Variants in AMPH observed in about 807,000 individuals in gnomAD.
The protein encoded by AMPH is amphiphysin (Stiff-Mann syndrome with breast cancer 128kD autoantigen).
A neutral mutation model predicts 99.1 loss-of-function variants in AMPH; 49 were observed. The ratio of observed to expected loss-of-function variants is 0.49; its 90% CI spans 0.39 to 0.63. The LOEUF (loss-of-function observed/expected upper bound fraction) is 0.63, where lower values mean the gene tolerates loss of function less well. AMPH is among the 20% of genes least tolerant of loss of function. The pLI is 0.00. For missense variants in AMPH, 759 were observed against 863.4 expected (o/e 0.88, Z 1.52); for synonymous variants, 314 against 317.3 (o/e 0.99, Z 0.11).
intron 1 of AMPH, among the ~76,000 whole-genome samples, chr7:38,610,514 C>A (rs1793646610): frequency 6.6e-6 from 1 of 151,258 alleles, no homozygotes; most frequent in Non-Finnish European, 1.5e-5. Context: ...GTATAAAACA[C>A]TAGTCTTGGA....
chr7:38,437,625 C>CAAAAAA (rs70977404), intron 11 of AMPH, among the ~76,000 whole-genome samples: 8 of 94,860 alleles, frequency 8.4e-5, no homozygotes, highest in African/African-American at 1.7e-4. Flanking sequence ...ACTAAAAATA[C>CAAAAAA]AAAAAAAAAA....
intron 1 of AMPH, among the ~76,000 whole-genome samples, chr7:38,559,176 C>T (rs1791472209): frequency 6.6e-6 from 1 of 152,206 alleles, no homozygotes; most frequent in African/African-American, 2.4e-5. Context: ...TGTAACACGG[C>T]CTGTGGGCAA....
At chr7:38,392,094 A>G in intron 18 of AMPH, 77 bp from the exon 19 acceptor site, 1 of 1,479,180 alleles carries the variant, frequency 6.8e-7, no homozygotes. Flanking sequence ...AACCTGCCTT[A>G]GCCCCCAGCC....
chr7:38,469,646 C>G (rs1469852865), intron 7 of AMPH, among the ~76,000 whole-genome samples: 2 of 152,170 alleles, frequency 1.3e-5, no homozygotes, highest in Non-Finnish European at 2.9e-5. Context: ...TAAACCTCTT[C>G]AAAGCTTAAT....
At chr7:38,551,091 T>C (rs1791164873) in intron 1 of AMPH, among the ~76,000 whole-genome samples, 1 of 152,118 alleles carries the variant, frequency 6.6e-6, no homozygotes, top group South Asian at 2.1e-4. Flanking sequence ...AAACAACAAC[T>C]GAAACCAGAT....
chr7:38,571,588 A>T (rs34721981), intron 1 of AMPH, among the ~76,000 whole-genome samples: 2 of 145,476 alleles, frequency 1.4e-5, no homozygotes, highest in Non-Finnish European at 3.0e-5. Context: ...AACTAGAAAA[A>T]AGCTTATAGA....
At chr7:38,601,642 A>G (rs919865689) in intron 1 of AMPH, among the ~76,000 whole-genome samples, 12 of 152,192 alleles carry the variant, frequency 7.9e-5, no homozygotes, top group Non-Finnish European at 1.6e-4. Flanking sequence ...AAGTATTAAC[A>G]TAGTCGTATT....
chr7:38,520,374 T>C (rs188052934), intron 2 of AMPH, among the ~76,000 whole-genome samples: 4 of 152,292 alleles, frequency 2.6e-5, no homozygotes, highest in African/African-American at 7.2e-5. Context: ...ATAGAGTTTT[T>C]AAAAAGAGGG....
chr7:38,574,027 G>A (rs1792142535), intron 1 of AMPH, among the ~76,000 whole-genome samples: 1 of 152,126 alleles, frequency 6.6e-6, no homozygotes, highest in African/African-American at 2.4e-5. Context: ...AGATTTCAGT[G>A]CTCAAACACA....
intron 15 of AMPH, among the ~76,000 whole-genome samples, chr7:38,424,644 G>GA (rs138920683): frequency 0.014 from 2,120 of 147,338 alleles, 37 homozygotes; most frequent in African/African-American, 0.05. Context: ...GAGAACAAAG[G>GA]AAAAAAAAAG....
chr7:38,500,640 C>T (rs1789100664), intron 3 of AMPH, among the ~76,000 whole-genome samples: 1 of 152,194 alleles, frequency 6.6e-6, no homozygotes, highest in Non-Finnish European at 1.5e-5. Context: ...ATTCAACAAA[C>T]TTATCCACAT....
At chr7:38,462,945 T>C (rs1787507154) in intron 10 of AMPH, 30 bp downstream of exon 10, 1 of 1,524,314 alleles carries the variant, frequency 6.6e-7, no homozygotes. Context: ...TCATGAGCTC[T>C]ATCCCCCAAT....
intron 1 of AMPH, among the ~76,000 whole-genome samples, chr7:38,614,090 G>T (rs1793781551): frequency 6.6e-6 from 1 of 152,174 alleles, no homozygotes; most frequent in South Asian, 2.1e-4. Context: ...TCAAGACCTA[G>T]AAGTTTTCTA....
chr7:38,505,045 A>G (rs574349154), intron 2 of AMPH, among the ~76,000 whole-genome samples: 2 of 152,278 alleles, frequency 1.3e-5, no homozygotes, highest in East Asian at 3.9e-4. Flanking sequence ...CCTCATTATA[A>G]TCTAGTGGGG....
chr7:38,567,271 C>T (rs1295457315), intron 1 of AMPH, among the ~76,000 whole-genome samples: 1 of 152,136 alleles, frequency 6.6e-6, no homozygotes, highest in Admixed American at 6.5e-5. Context: ...CCATCATTCT[C>T]AGCAAACTAT....
intron 5 of AMPH, among the ~76,000 whole-genome samples, chr7:38,487,933 T>A (rs980961289): frequency 1.2e-4 from 19 of 152,234 alleles, no homozygotes; most frequent in Non-Finnish European, 2.4e-4. Context: ...AAGCTCATCA[T>A]CATTGGTCAT....
rs776438912 is a variant in AMPH at position 38,394,213 on chromosome 7, A to G, written c.1400T>C (p.Ile467Thr). 1 of 1,614,050 alleles carries G rather than the reference A, an allele frequency of 6.2e-7. No homozygotes were observed. Among genetic ancestry groups the G allele is most frequent in the South Asian group, 1.1e-5 (1 of 91,074 alleles). ...TGCATCAGCATCAGCTCCAGGTATG[A>G]TCTGCAGGGCAGAAACCAGCAGGCC... Reference protein sequence around the residue: ...RAEEPVEEAVIIPGADADAAV... With the variant: ...RAEEPVEEAVTIPGADADAAV... Residue 467 changes from isoleucine to threonine, a missense_variant and splice_region_variant, in exon 18 of 21, where the codon ATC becomes ACC. Physicochemically the swap from Ile to Thr is moderately conservative, Grantham distance 89 (BLOSUM62 -1). Around this residue, in one of 2 missense-constraint regions of AMPH, gnomAD observed 554 missense variants for 575.6 expected, o/e 0.96. Transcript: ENST00000356264.
chr7:38,404,700 A>G (rs1324116291), intron 17 of AMPH, among the ~76,000 whole-genome samples: 2 of 152,204 alleles, frequency 1.3e-5, no homozygotes, highest in Non-Finnish European at 2.9e-5. Flanking sequence ...CATGAGAAAG[A>G]ATCAGCAGAA....
intron 14 of AMPH, among the ~76,000 whole-genome samples, chr7:38,427,557 A>G (rs1785827548): frequency 6.6e-6 from 1 of 152,128 alleles, no homozygotes; most frequent in Non-Finnish European, 1.5e-5. Context: ...ATGGTAACAT[A>G]GACTGTCATT....
Sources: gnomAD v4.1 joint callset for allele counts (sites outside exome capture counted in the v4.1 genomes callset) on GRCh38, gnomAD v4.1.1 for gene constraint, gnomAD v4.1.1 regional missense constraint, MANE v1.5 for transcripts, NCBI Gene and HGNC (gene_info 2026-07-23, HGNC 2026-07-21) for gene names.